Variants in P2RY13 observed in about 807,000 individuals in gnomAD.
P2RY13 encodes P2Y purinoceptor 13.
For missense variants in P2RY13, 412 were observed against 418.4 expected (o/e 0.98, Z 0.13); for synonymous variants, 150 against 155.1 (o/e 0.97, Z 0.24).
Position 151,326,883 on chromosome 3 carries a change from T to G in P2RY13, c.*1108A>C, listed in dbSNP as rs1161164699. 6.6e-6 allele frequency: 1 copy of G among 152,122 alleles called. No individual in the cohort carries two copies. The highest frequency in any genetic ancestry group is 2.4e-5 in the African/African-American group (1 of 41,420). The allele number at this position is 152,122 out of a possible 1,614,324, so 9.4% of individuals were successfully genotyped here. A position where few individuals can be genotyped will look rare whatever the true frequency, so the allele number is the denominator to read the frequency against. ...TTTACTTTTTTGAATCACAGAAGGATGCAAGAAAAAATACCAAGGTAAATA... is the reference window on the plus strand; with the variant it reads ...TTTACTTTTTTGAATCACAGAAGGAGGCAAGAAAAAATACCAAGGTAAATA... On this transcript the variant is annotated 3_prime_UTR_variant, in exon 2 of 2. Transcript: ENST00000325602.
chr3:151,327,914 T>C lies in P2RY13; in HGVS notation c.*77A>G. ...AAGAGAGCATTTGTTCCAATCTTTT[T>C]TTCTTGGTTAAATTTGATTTCCACA... On this transcript the variant is annotated 3_prime_UTR_variant, in exon 2 of 2. Transcript: ENST00000325602. The C allele has an allele frequency of 9.5e-7, 1 of 1,057,994 alleles. No individual in the cohort carries two copies. The allele number at this position is 1,057,994 out of a possible 1,614,324, so 65.5% of individuals were successfully genotyped here.
chr3:151,328,192 G>A lies in P2RY13; in HGVS notation c.864C>T (p.Asp288=). The A allele has an allele frequency of 6.2e-7, 1 of 1,613,078 alleles. No homozygotes were observed. Among genetic ancestry groups the A allele is most frequent in the Non-Finnish European group, 8.5e-7 (1 of 1,179,620 alleles). ...TAAACAGTTGATTTTGCAGTCTACAGTCAGTCTTATTGTTGGTTTGACTGT... is the reference window on the plus strand; with the variant it reads ...TAAACAGTTGATTTTGCAGTCTACAATCAGTCTTATTGTTGGTTTGACTGT... ...YTHSQTNNKT[D]CRLQNQLFIA... The change falls in exon 2 of 2, where the codon GAC becomes GAT. Residue 288 remains aspartate (D), a synonymous_variant. Transcript: ENST00000325602.
rs567633607 is a variant in P2RY13, at chr3:151,326,535, A to G, written c.*1456T>C. The G allele has an allele frequency of 9.8e-5, 15 of 152,574 alleles. No homozygotes were observed. The highest frequency in any genetic ancestry group is 3.4e-4 in the African/African-American group (14 of 41,586). 9.5% of individuals were successfully genotyped at this position (152,574 alleles called of 1,614,324 possible). A position where few individuals can be genotyped will look rare whatever the true frequency, so the allele number is the denominator to read the frequency against. ...ATATTTCATGGACCAAGTGATGACA[A>G]CATAGGGTTTCACAGATGGATAAGA... is the stretch of plus-strand genomic sequence containing the variant. On this transcript the variant is annotated 3_prime_UTR_variant, in exon 2 of 2. Coordinates refer to ENST00000325602, the MANE Select transcript of P2RY13 (RefSeq NM_176894.3).
At position 151,328,817 on chromosome 3, in the gene P2RY13, A is replaced by G; in HGVS notation, c.239T>C (p.Ile80Thr). ...GGCCACCAAAGTGTTTTTGAGGTAG[A>G]TGATGAAGGTGGAGGAGCTGGGGAT... The part of the protein sequence containing the change: ...VHIPSSSTFI[I>T]YLKNTLVADL... The change falls in exon 2 of 2, where the codon ATC becomes ACC. Residue 80 changes from isoleucine to threonine, a missense_variant. Physicochemically the swap from Ile to Thr is moderately conservative, Grantham distance 89 (BLOSUM62 -1). Transcript: ENST00000325602. 2 of 1,613,986 alleles carry G rather than the reference A, an allele frequency of 1.2e-6. No homozygotes were observed. Among genetic ancestry groups the G allele is most frequent in the Non-Finnish European group, 1.7e-6 (2 of 1,179,934 alleles).
chr3:151,328,171 C>G lies in P2RY13; in HGVS notation c.885G>C (p.Leu295=), dbSNP rs764098184. 6.2e-7 allele frequency: 1 copy of G among 1,612,988 alleles called. No homozygotes were observed. Among genetic ancestry groups the G allele is most frequent in the Non-Finnish European group, 8.5e-7 (1 of 1,179,568 alleles). Reference sequence around the variant, plus strand: ...AGAGAGTTGTTTCTTTAGCAATAAACAGTTGATTTTGCAGTCTACAGTCAG... The same window carrying G: ...AGAGAGTTGTTTCTTTAGCAATAAAGAGTTGATTTTGCAGTCTACAGTCAG... ...NKTDCRLQNQ[L]FIAKETTLFL... Residue 295 remains leucine (L), a synonymous_variant, in exon 2 of 2, where the codon CTG becomes CTC. Transcript: ENST00000325602.
At chr3:151,329,098 T>A in intron 1 of P2RY13, 91 bp from the exon 2 acceptor site, 4 of 867,244 alleles carry the variant, frequency 4.6e-6, no homozygotes, top group Non-Finnish European at 7.1e-6. Flanking sequence ...ACTTTATGTT[T>A]ATAGCATATT....
chr3:151,328,460 C>A lies in P2RY13; in HGVS notation c.596G>T (p.Gly199Val). 6.2e-7 allele frequency: 1 copy of A among 1,613,842 alleles called. No homozygotes were observed. The highest frequency in any genetic ancestry group is 1.1e-5 in the South Asian group (1 of 91,078). ...SSVKKCASLK[G>V]PLGLKWHQMV... Reference sequence around the variant, plus strand: ...TTGATGCCATTTCAGCCCCAGAGGCCCCTTTAAGGAAGCACACTTTTTCAC... The same window carrying A: ...TTGATGCCATTTCAGCCCCAGAGGCACCTTTAAGGAAGCACACTTTTTCAC... The change falls in exon 2 of 2, where the codon GGG becomes GTG. Residue 199 changes from glycine (G) to valine (V), a missense_variant. Gly to Val is a moderately radical substitution (Grantham distance 109). Transcript: ENST00000325602.
At position 151,328,636 on chromosome 3, in the gene P2RY13, G is replaced by C. The variant is rs2149867150; in HGVS notation, c.420C>G (p.Asp140Glu). 1.2e-6 allele frequency: 2 copies of C among 1,613,854 alleles called. No individual in the cohort carries two copies. The highest frequency in any genetic ancestry group is 1.7e-6 in the Non-Finnish European group (2 of 1,179,908). ...GIVLLGLIAFDRFLKIIRPLR... is the reference protein window; with the variant it reads ...GIVLLGLIAFERFLKIIRPLR... ...AAGGTCTGATGATCTTGAGGAATCT[G>C]TCAAAGGCTATGAGCCCTAACAGCA... The change falls in exon 2 of 2, where the codon GAC becomes GAG. Residue 140 changes from aspartate to glutamate, a missense_variant. Asp to Glu is a conservative substitution (Grantham distance 45). Coordinates refer to ENST00000325602, the MANE Select transcript of P2RY13 (RefSeq NM_176894.3).
At chr3:151,329,355 A>G (rs1750085952) in intron 1 of P2RY13, 126 bp downstream of exon 1, 1 of 619,890 alleles carries the variant, frequency 1.6e-6, no homozygotes, top group South Asian at 2.2e-5. Context: ...ATTGCTGTAA[A>G]TTATGTAATT....
rs1577343184 is a variant in P2RY13 at position 151,328,585 on chromosome 3, A to G, written c.471T>C (p.Pro157=). The part of the protein sequence containing the change: ...RPLRNIFLKK[P]VFAKTVSIFI... The stretch of plus-strand genomic sequence containing the variant: ...AGATTGAGACCGTTTTTGCAAAAAC[A>G]GGTTTTTTTAGAAAAATATTTCTCA... Residue 157 remains proline (P), a synonymous_variant, in exon 2 of 2, where the codon CCT becomes CCC. Transcript: ENST00000325602. 6.2e-7 allele frequency: 1 copy of G among 1,613,730 alleles called. No homozygotes were observed. The highest frequency in any genetic ancestry group is 2.2e-5 in the East Asian group (1 of 44,856).
In P2RY13 at chr3:151,327,430, T is replaced by A. The variant is rs908700334; in HGVS notation, c.*561A>T. On this transcript the variant is annotated 3_prime_UTR_variant, in exon 2 of 2. Transcript: ENST00000325602. ...ATTATTGTAATGTGAAAGAGGCTGT[T>A]TGTAATTGTAAGGAGAAAATCCTTT... 2.1e-4 allele frequency: 32 copies of A among 152,194 alleles called. No individual in the cohort carries two copies. Among genetic ancestry groups the A allele is most frequent in the African/African-American group, 7.5e-4 (31 of 41,424 alleles). 9.4% of individuals were successfully genotyped at this position (152,194 alleles called of 1,614,324 possible).
chr3:151,326,537 A>G lies in P2RY13; in HGVS notation c.*1454T>C, dbSNP rs946096201. On this transcript the variant is annotated 3_prime_UTR_variant, in exon 2 of 2. Coordinates refer to ENST00000325602, the MANE Select transcript of P2RY13 (RefSeq NM_176894.3). ...ATTTCATGGACCAAGTGATGACAAC[A>G]TAGGGTTTCACAGATGGATAAGAGT... 5 of 152,558 alleles carry G rather than the reference A, an allele frequency of 3.3e-5. No individual in the cohort carries two copies. The East Asian group carries it at 5.8e-4, about 18-fold the overall frequency. The allele number at this position is 152,558 out of a possible 1,614,324, so 9.5% of individuals were successfully genotyped here.
Position 151,329,505 on chromosome 3 carries a change from C to G in P2RY13, c.24G>C (p.Gln8His), listed in dbSNP as rs1560035683. The G allele has an allele frequency of 6.5e-7, 1 of 1,548,424 alleles. No homozygotes were observed. The highest frequency in any genetic ancestry group is 2.5e-5 in the East Asian group (1 of 40,758). Residue 8 changes from glutamine to histidine, a missense_variant, in exon 1 of 2, where the codon CAG becomes CAC. Transcript: ENST00000325602. ...CCTTTGGGAGGATACTCAGTTCTCT[C>G]TGTCTTCTTATGGCGGCAGTCATTA... MTAAIRR[Q>H]RELSILPKVT...
At position 151,327,762 on chromosome 3, in the gene P2RY13, T is replaced by G. The variant is rs1410411546; in HGVS notation, c.*229A>C. Reference sequence around the variant, plus strand: ...AAAAAAAAAAAAAGAAAGAAAGAAATAATGACCTCTAGTGGCCATTTGTAT... The same window carrying G: ...AAAAAAAAAAAAAGAAAGAAAGAAAGAATGACCTCTAGTGGCCATTTGTAT... On this transcript the variant is annotated 3_prime_UTR_variant, in exon 2 of 2. Transcript: ENST00000325602. 3 of 348,820 alleles carry G rather than the reference T, an allele frequency of 8.6e-6. No homozygotes were observed. Among genetic ancestry groups the G allele is most frequent in the East Asian group, 8.8e-5 (2 of 22,710 alleles). The allele number at this position is 348,820 out of a possible 1,614,324, so 21.6% of individuals were successfully genotyped here. A position where few individuals can be genotyped will look rare whatever the true frequency, so the allele number is the denominator to read the frequency against.
rs1257306724 is a variant in P2RY13, at chr3:151,328,926, G to C, written c.130C>G (p.Gln44Glu). 1 of 1,613,236 alleles carries C rather than the reference G, an allele frequency of 6.2e-7. No homozygotes were observed. Among genetic ancestry groups the C allele is most frequent in the African/African-American group, 1.3e-5 (1 of 74,890 alleles). ...ERCPRDTRIV[Q>E]LVFPALYTVV... is the part of the protein sequence containing the mutation. ...GTGTAGAGGGCTGGGAATACCAGCTGTACTATCCGAGTGTCTCTGGGGCAC... is the reference window on the plus strand; with the variant it reads ...GTGTAGAGGGCTGGGAATACCAGCTCTACTATCCGAGTGTCTCTGGGGCAC... The change falls in exon 2 of 2, where the codon CAG (glutamine) becomes GAG (glutamate). Residue 44 changes from glutamine to glutamate, a missense_variant. Gln to Glu is a conservative substitution (Grantham distance 29). Transcript: ENST00000325602.
Position 151,329,484 on chromosome 3 carries a change from TG to T in P2RY13, c.44del (p.Pro15GlnfsTer3). ...IRRQRELSIL[P>X]KVTLEAMNTT... is the part of the protein sequence containing the mutation. ...AATAACAAAAATTGAAATTCACCTT[TG>T]GGAGGATACTCAGTTCTCTCTGTCT... On this transcript the variant is annotated frameshift_variant, in exon 1 of 2. Transcript: ENST00000325602. LOFTEE classifies it low-confidence loss of function (END_TRUNC). The T allele has an allele frequency of 6.5e-7, 1 of 1,543,290 alleles. No individual in the cohort carries two copies. Among genetic ancestry groups the T allele is most frequent in the Non-Finnish European group, 8.8e-7 (1 of 1,140,390 alleles).
Position 151,328,806 on chromosome 3 carries a change from T to C in P2RY13, c.250A>G (p.Asn84Asp). Residue 84 changes from asparagine to aspartate, a missense_variant, in exon 2 of 2, where the codon AAC becomes GAC. Transcript: ENST00000325602. ...SSSTFIIYLK[N>D]TLVADLIMTL... ...ATTATCAAGTCGGCCACCAAAGTGT[T>C]TTTGAGGTAGATGATGAAGGTGGAG... is the stretch of plus-strand genomic sequence containing the variant. 1 of 1,613,826 alleles carries C rather than the reference T, an allele frequency of 6.2e-7. No homozygotes were observed. Among genetic ancestry groups the C allele is most frequent in the Non-Finnish European group, 8.5e-7 (1 of 1,179,916 alleles).
At position 151,328,757 on chromosome 3, in the gene P2RY13, A is replaced by T. The variant is rs2149868498; in HGVS notation, c.299T>A (p.Ile100Asn). The T allele has an allele frequency of 6.2e-7, 1 of 1,613,992 alleles. No individual in the cohort carries two copies. Among genetic ancestry groups the T allele is most frequent in the Non-Finnish European group, 8.5e-7 (1 of 1,179,946 alleles). The change falls in exon 2 of 2, where the codon ATC becomes AAC. Residue 100 changes from isoleucine (I) to asparagine (N), a missense_variant. Coordinates refer to ENST00000325602, the MANE Select transcript of P2RY13 (RefSeq NM_176894.3). ...GGGTGCCAGGTGTGAGTCAGAGAGG[A>T]TTTTGAAAGGAAGCATGAGTGTCAT... ...LIMTLMLPFK[I>N]LSDSHLAPWQ...
In P2RY13 at chr3:151,326,964, T is replaced by A. The variant is rs1016558619; in HGVS notation, c.*1027A>T. ...ATCTCTCAATATGGATGTTACTGAT[T>A]GTGGGTCAGCAATTACGTCTTTGTA... is the stretch of plus-strand genomic sequence containing the variant. On this transcript the variant is annotated 3_prime_UTR_variant, in exon 2 of 2. Coordinates refer to ENST00000325602, the MANE Select transcript of P2RY13 (RefSeq NM_176894.3). The A allele has an allele frequency of 1.3e-5, 2 of 152,192 alleles. No individual in the cohort carries two copies. The highest frequency in any genetic ancestry group is 2.9e-5 in the Non-Finnish European group (2 of 68,032). The allele number at this position is 152,192 out of a possible 1,614,324, so 9.4% of individuals were successfully genotyped here. A position where few individuals can be genotyped will look rare whatever the true frequency, so the allele number is the denominator to read the frequency against.
Sources: gnomAD v4.1 joint callset for allele counts on GRCh38, gnomAD v4.1.1 for gene constraint, MANE v1.5 for transcripts, NCBI Gene and HGNC (gene_info 2026-07-23, HGNC 2026-07-21) for gene names.